The following ATF7IP variants were observed in gnomAD, a reference collection of about 807,000 sequenced individuals.
The protein encoded by ATF7IP is activating transcription factor 7 interacting protein, also known as activating transcription factor 7-interacting protein 1.
In ATF7IP, 23 loss-of-function variants were observed where a neutral mutation model predicts 106.4. The ratio of observed to expected loss-of-function variants is 0.22; its 90% CI spans 0.16 to 0.31. The LOEUF is 0.31. Ranked by LOEUF, ATF7IP falls within the 10% of genes least tolerant of loss-of-function variation. The pLI is 1.00. For synonymous variants in ATF7IP, 542 were observed against 539.0 expected (o/e 1.01, Z -0.08); for missense variants, 1,334 against 1,524.3 (o/e 0.88, Z 2.08).
intron 1 of ATF7IP, among the ~76,000 whole-genome samples, chr12:14,403,058 A>G (rs1051690184): frequency 6.6e-6 from 1 of 152,102 alleles, no homozygotes; most frequent in Non-Finnish European, 1.5e-5. Context: ...TGTGTTTAAG[A>G]GAAATATCTG....
intron 13 of ATF7IP, among the ~76,000 whole-genome samples, chr12:14,492,577 G>C (rs1388263099): frequency 6.6e-6 from 1 of 152,136 alleles, no homozygotes; most frequent in Non-Finnish European, 1.5e-5. Context: ...ATTTGACCTA[G>C]AAGCTTTCTG....
At chr12:14,418,530 T>C in intron 1 of ATF7IP, among the ~76,000 whole-genome samples, 1 of 152,194 alleles carries the variant, frequency 6.6e-6, no homozygotes. Context: ...AAATGATCCT[T>C]GGAAGTGTTT....
At position 14,500,963 on chromosome 12, in the gene ATF7IP, TATAAG is replaced by T. The variant is rs1389201639; in HGVS notation, c.*2893_*2897del. 6.6e-6 allele frequency: 1 copy of T among 152,162 alleles called. No individual in the cohort carries two copies. Among genetic ancestry groups the T allele is most frequent in the Non-Finnish European group, 1.5e-5 (1 of 68,016 alleles). The allele number at this position is 152,162 out of a possible 1,614,324, so 9.4% of individuals were successfully genotyped here. On this transcript the variant is annotated 3_prime_UTR_variant, in exon 15 of 15. Transcript: ENST00000261168. ...TTATTTAGGGGAGAAGTATATTTAT[TATAAG>T]ATGGTGTCCTCAAATTAGCCTACCA...
At chr12:14,485,300 G>C (rs959421766) in intron 13 of ATF7IP, among the ~76,000 whole-genome samples, 2 of 151,444 alleles carry the variant, frequency 1.3e-5, no homozygotes, top group African/African-American at 4.9e-5. Context: ...AATCTAAATC[G>C]GCCCACTAGA....
At chr12:14,475,511 C>T (rs4492869) in intron 10 of ATF7IP, among the ~76,000 whole-genome samples, 46,560 of 151,998 alleles carry the variant, frequency 0.31, 8,286 homozygotes, top group Admixed American at 0.45. Context: ...TAACCCAATT[C>T]TAGCTTTAAT....
At position 14,428,513 on chromosome 12, in the gene ATF7IP, G is replaced by T. The variant is rs915218363; in HGVS notation, c.1558+3040G>T. Among the ~76,000 whole-genome samples the T allele has an allele frequency of 2.0e-5, 3 of 152,060 alleles. 1 individual carries two copies. In the South Asian group the frequency reaches 6.2e-4, roughly 31 times the overall value. ...CTGTACTCTGTTCTCTTTATATGGCGACAGAATCTGTTGCATGTCATTTAT... is the reference window on the plus strand; with the variant it reads ...CTGTACTCTGTTCTCTTTATATGGCTACAGAATCTGTTGCATGTCATTTAT... On this transcript the variant is annotated intron_variant, in intron 2 of 14. Transcript: ENST00000261168.
At chr12:14,494,333 A>ATATATATATATATG (rs1234871100) in intron 13 of ATF7IP, among the ~76,000 whole-genome samples, 11 of 86,002 alleles carry the variant, frequency 1.3e-4, no homozygotes, top group Non-Finnish European at 2.0e-4. Flanking sequence ...ATATATATAT[A>ATATATATATATATG]TGTGTGTGTG....
chr12:14,481,397 G>T, intron 13 of ATF7IP: 1 of 591,078 alleles, frequency 1.7e-6, no homozygotes, highest in East Asian at 2.9e-5. Context: ...AGCTGATAGA[G>T]CAGATTTTAA....
intron 2 of ATF7IP, among the ~76,000 whole-genome samples, chr12:14,427,406 C>T (rs991264179): frequency 6.6e-5 from 10 of 151,314 alleles, no homozygotes; most frequent in African/African-American, 1.5e-4. Context: ...TCTGTTGCCC[C>T]GGCTGGAGTG....
At chr12:14,462,199 T>C (rs1943668376) in intron 9 of ATF7IP, among the ~76,000 whole-genome samples, 1 of 152,102 alleles carries the variant, frequency 6.6e-6, no homozygotes, top group Admixed American at 6.5e-5. Flanking sequence ...TTTATAGTAT[T>C]TACAATTTAA....
intron 13 of ATF7IP, among the ~76,000 whole-genome samples, chr12:14,491,929 C>T (rs984167311): frequency 5.9e-5 from 9 of 152,186 alleles, no homozygotes; most frequent in East Asian, 3.8e-4. Context: ...TGGCAAGCAC[C>T]GCCCCTGCAT....
At chr12:14,476,004 A>G (rs1944251246) in intron 11 of ATF7IP, 36 bp downstream of exon 11, 1 of 1,519,984 alleles carries the variant, frequency 6.6e-7, no homozygotes, top group Non-Finnish European at 9.1e-7. Flanking sequence ...CAACGTTTTG[A>G]TACCATTTTT....
chr12:14,417,926 G>C (rs1401114880), intron 1 of ATF7IP, among the ~76,000 whole-genome samples: 2 of 152,110 alleles, frequency 1.3e-5, no homozygotes, highest in African/African-American at 4.8e-5. Context: ...AGCAGCTCTT[G>C]AACAGCCATT....
At chr12:14,426,893 TAAAG>T (rs1941881709) in intron 2 of ATF7IP, among the ~76,000 whole-genome samples, 1 of 141,254 alleles carries the variant, frequency 7.1e-6, no homozygotes, top group Non-Finnish European at 1.5e-5. Flanking sequence ...TAAACCTATA[TAAAG>T]AGACAGGCCA....
intron 1 of ATF7IP, among the ~76,000 whole-genome samples, chr12:14,370,483 T>A (rs1404781197): frequency 6.6e-6 from 1 of 152,200 alleles, no homozygotes; most frequent in African/African-American, 2.4e-5. Context: ...TGATTTTGAC[T>A]GTTTTTGCAG....
In ATF7IP at chr12:14,406,592, T is replaced by TA. The variant is rs536916065; in HGVS notation, c.-7-17304dup. Among the ~76,000 whole-genome samples, 149 of 141,712 alleles carry TA rather than the reference T, an allele frequency of 1.1e-3. 1 individual carries two copies. The Middle Eastern group carries it at 0.014, about 14-fold the overall frequency. The allele number at this position is 141,712 out of a possible 152,430, so 93.0% of individuals were successfully genotyped here. A position where few individuals can be genotyped will look rare whatever the true frequency, so the allele number is the denominator to read the frequency against. Reference sequence around the variant, plus strand: ...ATCTGTTGCATATGAATGTAACATTTAAAAAAAAAAAAAGTAAAATAAGCT... The same window carrying TA: ...ATCTGTTGCATATGAATGTAACATTTAAAAAAAAAAAAAAGTAAAATAAGCT... On this transcript the variant is annotated intron_variant, in intron 1 of 14. Transcript: ENST00000261168.
chr12:14,448,739 A>G (rs1056869320), intron 6 of ATF7IP, among the ~76,000 whole-genome samples: 1 of 152,292 alleles, frequency 6.6e-6, no homozygotes, highest in East Asian at 1.9e-4. Flanking sequence ...TCTGTTCTTC[A>G]TAGAGGCTGC....
chr12:14,376,048 CAA>C (rs972103312), intron 1 of ATF7IP, among the ~76,000 whole-genome samples: 22 of 152,064 alleles, frequency 1.4e-4, no homozygotes, highest in African/African-American at 4.3e-4. Flanking sequence ...CATTAAAAAA[CAA>C]ACGGGTATTT....
chr12:14,408,039 T>G (rs142155606), intron 1 of ATF7IP, among the ~76,000 whole-genome samples: 1 of 152,030 alleles, frequency 6.6e-6, no homozygotes, highest in Non-Finnish European at 1.5e-5. Context: ...GAAACTTTAA[T>G]GTATTAGGAC....
Sources: allele counts gnomAD v4.1 joint callset (sites outside exome capture counted in the v4.1 genomes callset), GRCh38; gene constraint gnomAD v4.1.1; transcripts MANE v1.5; gene names NCBI Gene and HGNC (gene_info 2026-07-23, HGNC 2026-07-21).